The following CENPI variants were observed in gnomAD, a reference collection of about 807,000 sequenced individuals.
CENPI encodes FSH primary response 1.
CENPI carries 4 observed loss-of-function variants against 60.4 expected under a neutral mutation model. The ratio of observed to expected loss-of-function variants is 0.07; its 90% CI spans 0.03 to 0.15. The LOEUF is 0.15. CENPI is among the 10% of genes least tolerant of loss of function. The pLI is 1.00. For synonymous variants in CENPI, 157 were observed against 189.4 expected, an observed-to-expected ratio of 0.83 and a Z score of 1.40; for missense variants, 444 against 534.5, an observed-to-expected ratio of 0.83 and a Z score of 1.67.
chrX:101,129,923 T>C lies in CENPI; in HGVS notation c.1196-59T>C, dbSNP rs2089777644. The C allele has an allele frequency of 4.2e-5, 33 of 792,134 alleles. No homozygotes were observed. The South Asian group carries it at 7.3e-4, about 18-fold the overall frequency. The allele number at this position is 792,134 out of a possible 1,213,427, so 65.3% of individuals were successfully genotyped here. On this transcript the variant is annotated intron_variant, in intron 12 of 21. Transcript: ENST00000682095. ...CTTGTCACTTTAGTGATAATTATGT[T>C]TTGTGCACTTTTTTATTGTGGTACA...
At chrX:101,143,089 A>G (rs2015630) in intron 16 of CENPI, among the ~76,000 whole-genome samples, 27,356 of 97,902 alleles carry the variant, frequency 0.28, 3,495 homozygotes, top group African/African-American at 0.41. Flanking sequence ...AAAAAAAAGC[A>G]TATAGTTTTG....
Position 101,109,941 on chromosome X carries a change from G to A in CENPI, c.534G>A (p.Lys178=). Residue 178 remains lysine (K), a synonymous_variant, in exon 6 of 22, where the codon AAG becomes AAA. Coordinates refer to ENST00000682095, the MANE Select transcript of CENPI (RefSeq NM_001386188.2). ...CAATGTTTGACTTCATTGATCGTAAGGAGCAAATTAACTTGCTCTATGGCT... is the reference window on the plus strand; with the variant it reads ...CAATGTTTGACTTCATTGATCGTAAAGAGCAAATTAACTTGCTCTATGGCT... ...LVAMFDFIDR[K]EQINLLYGFF... The A allele has an allele frequency of 3.3e-6, 4 of 1,208,381 alleles. No homozygotes were observed. The highest frequency in any genetic ancestry group is 4.5e-6 in the Non-Finnish European group (4 of 893,366).
the CENPI span, among the ~76,000 whole-genome samples, chrX:101,176,744 T>C: frequency 2.6e-5 from 3 of 113,242 alleles, no homozygotes; most frequent in Non-Finnish European, 5.6e-5. Flanking sequence ...GTTGGTTGTT[T>C]CCTTTGCTGC....
intron 4 of CENPI, among the ~76,000 whole-genome samples, chrX:101,107,722 G>A (rs183522282): frequency 4.6e-5 from 5 of 108,884 alleles, no homozygotes; most frequent in African/African-American, 1.7e-4. Context: ...AGGGTGCAGT[G>A]CAATGGCATG....
rs1225410521 is a variant in CENPI, at chrX:101,109,981, T to C, written c.574T>C (p.Leu192=). 1.7e-6 allele frequency: 2 copies of C among 1,190,108 alleles called. No individual in the cohort carries two copies. Among genetic ancestry groups the C allele is most frequent in the Non-Finnish European group, 2.3e-6 (2 of 877,090 alleles). Residue 192 remains leucine (L), a synonymous_variant, in exon 6 of 22, where the codon TTG becomes CTG. Coordinates refer to ENST00000682095, the MANE Select transcript of CENPI (RefSeq NM_001386188.2). The stretch of plus-strand genomic sequence containing the variant: ...GCTCTATGGCTTCTTTTTTGCTTCA[T>C]TGCAAGATGATGCACTGGTAAGTAA... ...NLLYGFFFAS[L]QDDALCPYVC...
chrX:101,101,179 A>G lies in CENPI; in HGVS notation c.109A>G (p.Ser37Gly), dbSNP rs1390422950. ...AGCCTGGAAAGTAAAACAGGATCCA[A>G]GCAACTCGAAGAACATCTCAAAACA... Reference protein sequence around the residue: ...LSAWKVKQDPSNSKNISKHGQ... With the variant: ...LSAWKVKQDPGNSKNISKHGQ... The change falls in exon 3 of 22, where the codon AGC becomes GGC. Residue 37 changes from serine (S) to glycine (G), a missense_variant. Coordinates refer to ENST00000682095, the MANE Select transcript of CENPI (RefSeq NM_001386188.2). The G allele has an allele frequency of 2.5e-6, 3 of 1,207,121 alleles. No individual in the cohort carries two copies. The highest frequency in any genetic ancestry group is 3.4e-6 in the Non-Finnish European group (3 of 892,739).
intron 20 of CENPI, among the ~76,000 whole-genome samples, chrX:101,156,174 A>G (rs775306093): frequency 9.0e-6 from 1 of 110,583 alleles, no homozygotes; most frequent in African/African-American, 3.3e-5. Context: ...CACCACACCC[A>G]GCTAATTTTT....
intron 6 of CENPI, among the ~76,000 whole-genome samples, chrX:101,116,619 G>A (rs2089626196): frequency 9.0e-6 from 1 of 111,657 alleles, no homozygotes; most frequent in South Asian, 3.7e-4. Context: ...TTTGGCTATT[G>A]TGAATGGTGC....
chrX:101,109,613 A>G (rs762164882), intron 5 of CENPI, 22 bp downstream of exon 5: 2 of 1,100,267 alleles, frequency 1.8e-6, no homozygotes, highest in East Asian at 3.0e-5. Flanking sequence ...AAACACTTTG[A>G]TGATAAGTCC....
Position 101,128,816 on chromosome X carries a change from T to A in CENPI, c.1175T>A (p.Leu392Ter), listed in dbSNP as rs1233482400. The change falls in exon 12 of 22, where the codon TTG becomes TAG. Residue 392 changes from leucine to a stop codon, truncating the protein, a stop_gained. Coordinates refer to ENST00000682095, the MANE Select transcript of CENPI (RefSeq NM_001386188.2). LOFTEE classifies it high-confidence loss of function. The part of the protein sequence containing the change: ...EPVLLRFYYW[L>*]SQTLQEECIW... ...GTCTTGCTGAGGTTTTATTACTGGT[T>A]GAGTCAAACATTACAAGAAGGTAAG... 8.3e-7 allele frequency: 1 copy of A among 1,207,915 alleles called. No individual in the cohort carries two copies. Among genetic ancestry groups the A allele is most frequent in the Admixed American group, 2.2e-5 (1 of 45,704 alleles).
At chrX:101,139,255 T>G (rs984284873) in intron 15 of CENPI, among the ~76,000 whole-genome samples, 3 of 105,294 alleles carry the variant, frequency 2.8e-5, no homozygotes, top group African/African-American at 1.0e-4. Context: ...CCACCACGCC[T>G]GGCTAATTTT....
At position 101,098,204 on chromosome X, in the gene CENPI, A is replaced by C. The variant is rs1437447649; in HGVS notation, c.-154A>C. 1 of 113,811 alleles carries C rather than the reference A, an allele frequency of 8.8e-6. No homozygotes were observed. The highest frequency in any genetic ancestry group is 3.5e-4 in the South Asian group (1 of 2,822). 9.4% of individuals were successfully genotyped at this position (113,811 alleles called of 1,213,427 possible). A position where few individuals can be genotyped will look rare whatever the true frequency, so the allele number is the denominator to read the frequency against. ...AGCTTCTTTGAATTCCGGAGGCGGCATTCGGTGGTCAGAGGCCTGTGCGGC... is the reference window on the plus strand; with the variant it reads ...AGCTTCTTTGAATTCCGGAGGCGGCCTTCGGTGGTCAGAGGCCTGTGCGGC... On this transcript the variant is annotated 5_prime_UTR_variant, in exon 1 of 22. Coordinates refer to ENST00000682095, the MANE Select transcript of CENPI (RefSeq NM_001386188.2).
At chrX:101,099,545 A>G (rs1282584082) in intron 2 of CENPI, among the ~76,000 whole-genome samples, 1 of 110,550 alleles carries the variant, frequency 9.0e-6, no homozygotes, top group Non-Finnish European at 1.9e-5. Context: ...TTTAACACAT[A>G]AAGCTCTTTT....
At chrX:101,130,185 A>C in intron 13 of CENPI, 112 bp downstream of exon 13, 2 of 491,257 alleles carry the variant, frequency 4.1e-6, no homozygotes, top group Non-Finnish European at 6.9e-6. Context: ...CTGTAATCTC[A>C]GCACTTTGGA....
intron 20 of CENPI, among the ~76,000 whole-genome samples, chrX:101,149,641 G>A (rs2089990648): frequency 9.1e-6 from 1 of 109,677 alleles, no homozygotes; most frequent in Non-Finnish European, 1.9e-5. Context: ...CGAATAGCTG[G>A]GATTACAAGT....
intron 15 of CENPI, among the ~76,000 whole-genome samples, chrX:101,133,317 AT>A (rs750307029): frequency 0.051 from 3,889 of 76,889 alleles, 183 homozygotes; most frequent in African/African-American, 0.17. Context: ...TTCAGTTTGA[AT>A]TTTTTTTTTT....
chrX:101,109,167 G>A (rs1481213274), intron 4 of CENPI, among the ~76,000 whole-genome samples: 4 of 94,598 alleles, frequency 4.2e-5, no homozygotes, highest in Non-Finnish European at 8.1e-5. Context: ...CGCAACCTCT[G>A]CCTCCTGGGT....
chrX:101,170,820 C>G (rs2090155182), downstream of CENPI, among the ~76,000 whole-genome samples: 1 of 110,311 alleles, frequency 9.1e-6, no homozygotes, highest in Non-Finnish European at 1.9e-5. Context: ...TTTGTAGAGA[C>G]AGGGTTTTGC....
At position 101,109,201 on chromosome X, in the gene CENPI, C is replaced by G. The variant is rs766644680; in HGVS notation, c.365-272C>G. Among the ~76,000 whole-genome samples, 3 of 106,182 alleles carry G rather than the reference C, an allele frequency of 2.8e-5. No individual in the cohort carries two copies. The East Asian group carries it at 8.9e-4, about 31-fold the overall frequency. 92.2% of individuals were successfully genotyped at this position (106,182 alleles called of 115,157 possible). A position where few individuals can be genotyped will look rare whatever the true frequency, so the allele number is the denominator to read the frequency against. On this transcript the variant is annotated intron_variant, in intron 4 of 21. Coordinates refer to ENST00000682095, the MANE Select transcript of CENPI (RefSeq NM_001386188.2). ...GTTCAAGCGATTCTCCTGCCTCAGC[C>G]TCCCGAGTAGCTGGGATTACAGGCA...
Sources: gnomAD v4.1 joint callset for allele counts (sites outside exome capture counted in the v4.1 genomes callset) on GRCh38, gnomAD v4.1.1 for gene constraint, MANE v1.5 for transcripts, NCBI Gene and HGNC (gene_info 2026-07-23, HGNC 2026-07-21) for gene names.